Variants in XYLT1 observed in about 807,000 individuals in gnomAD.
XYLT1 encodes xylosyltransferase 1.
A neutral mutation model predicts 91.3 loss-of-function variants in XYLT1; 36 were observed. The observed-to-expected ratio is 0.39, with a 90% CI of 0.30 to 0.52. The LOEUF (loss-of-function observed/expected upper bound fraction) is 0.52. XYLT1 is among the 20% of genes least tolerant of loss of function. The probability of loss-of-function intolerance (pLI) is 0.68; values close to 1 mark genes in which losing one functional copy is unlikely to be tolerated. For missense variants in XYLT1, 1,242 were observed against 1,284.5 expected, an observed-to-expected ratio of 0.97 and a Z score of 0.51; for synonymous variants, 588 against 532.0, an observed-to-expected ratio of 1.11 and a Z score of -1.45.
At chr16:17,397,623 C>A (rs145413153) in intron 1 of XYLT1, among the ~76,000 whole-genome samples, 215 of 152,102 alleles carry the variant, frequency 1.4e-3, no homozygotes, top group African/African-American at 5.0e-3. Flanking sequence ...TGGTTCCCTG[C>A]CAACCCAGGC....
intron 1 of XYLT1, among the ~76,000 whole-genome samples, chr16:17,379,206 G>A (rs149911166): frequency 2.0e-5 from 3 of 152,122 alleles, no homozygotes; most frequent in Non-Finnish European, 2.9e-5. Flanking sequence ...ACCACACTCC[G>A]CTCCAAGGAG....
intron 2 of XYLT1, among the ~76,000 whole-genome samples, chr16:17,269,985 T>C (rs1404690416): frequency 1.3e-5 from 2 of 152,086 alleles, no homozygotes; most frequent in Non-Finnish European, 2.9e-5. Flanking sequence ...CTAATTTTTT[T>C]TGTATTTTTA....
intron 3 of XYLT1, among the ~76,000 whole-genome samples, chr16:17,202,416 A>G (rs1269491833): frequency 6.6e-5 from 10 of 152,208 alleles, no homozygotes; most frequent in Non-Finnish European, 1.2e-4. Context: ...CACAGCCTCT[A>G]TGGCTGGTGT....
At chr16:17,393,559 A>C (rs528677861) in intron 1 of XYLT1, among the ~76,000 whole-genome samples, 17 of 152,072 alleles carry the variant, frequency 1.1e-4, no homozygotes, top group Non-Finnish European at 2.2e-4. Context: ...ATGCTGTCAT[A>C]TCTCAATGTA....
intron 10 of XYLT1, among the ~76,000 whole-genome samples, chr16:17,123,717 T>C (rs1255501159): frequency 6.6e-6 from 1 of 152,158 alleles, no homozygotes; most frequent in South Asian, 2.1e-4. Flanking sequence ...CATAAGTCCA[T>C]TGTTTCTTTA....
chr16:17,351,087 C>G (rs1485691921), intron 2 of XYLT1, among the ~76,000 whole-genome samples: 1 of 152,134 alleles, frequency 6.6e-6, no homozygotes, highest in Non-Finnish European at 1.5e-5. Context: ...GAAACCATCT[C>G]CTGATGAGGT....
chr16:17,285,070 G>C (rs1057327911), intron 2 of XYLT1, among the ~76,000 whole-genome samples: 1 of 152,182 alleles, frequency 6.6e-6, no homozygotes, highest in Non-Finnish European at 1.5e-5. Context: ...AGAGGAAGCA[G>C]GGGCAGAAAC....
At chr16:17,440,429 C>G (rs1026458763) in intron 1 of XYLT1, among the ~76,000 whole-genome samples, 3 of 152,188 alleles carry the variant, frequency 2.0e-5, no homozygotes, top group Non-Finnish European at 4.4e-5. Context: ...TGTACACATA[C>G]ACACATAATT....
chr16:17,184,131 C>T lies in XYLT1; in HGVS notation c.1289+14081G>A, dbSNP rs547446679. ...CCAGGATGCACTTGGAGCATCCCAG[C>T]ATGGATACCGTCCATACTCTTGGCC... On this transcript the variant is annotated intron_variant, in intron 5 of 11. Transcript: ENST00000261381. Among the ~76,000 whole-genome samples, 11 of 150,392 alleles carry T rather than the reference C, an allele frequency of 7.3e-5. 1 individual carries two copies. The South Asian group carries it at 2.1e-3, about 29-fold the overall frequency.
At chr16:17,293,111 CAAG>C (rs2034255578) in intron 2 of XYLT1, among the ~76,000 whole-genome samples, 1 of 152,174 alleles carries the variant, frequency 6.6e-6, no homozygotes, top group Non-Finnish European at 1.5e-5. Flanking sequence ...CGGGCACTTC[CAAG>C]AAGACTTTTA....
intron 2 of XYLT1, among the ~76,000 whole-genome samples, chr16:17,294,619 T>C (rs547673494): frequency 1.3e-5 from 2 of 151,974 alleles, no homozygotes; most frequent in Non-Finnish European, 2.9e-5. Context: ...AAGGCTGACC[T>C]AGGAGACAAA....
At chr16:17,376,975 G>A (rs1428793161) in intron 1 of XYLT1, among the ~76,000 whole-genome samples, 1 of 151,976 alleles carries the variant, frequency 6.6e-6, no homozygotes, top group Admixed American at 6.6e-5. Context: ...TCAGAAGTTC[G>A]AGACCAGCCT....
chr16:17,468,091 A>G (rs1160951721), intron 1 of XYLT1, among the ~76,000 whole-genome samples: 1 of 152,154 alleles, frequency 6.6e-6, no homozygotes, highest in Non-Finnish European at 1.5e-5. Flanking sequence ...CTGCAACCCA[A>G]GCTCCAGCTA....
At chr16:17,153,332 T>C (rs1156637634) in intron 6 of XYLT1, among the ~76,000 whole-genome samples, 1 of 152,216 alleles carries the variant, frequency 6.6e-6, no homozygotes, top group Non-Finnish European at 1.5e-5. Flanking sequence ...GGCCCGTGAA[T>C]CTTGACAGTC....
Position 17,279,751 on chromosome 16 carries a change from C to G in XYLT1, c.403-20253G>C, listed in dbSNP as rs1206364179. On this transcript the variant is annotated intron_variant, in intron 2 of 11. Coordinates refer to ENST00000261381, the MANE Select transcript of XYLT1 (RefSeq NM_022166.4). ...GAAGACCACGAGAGTCAGGCTAGGC[C>G]TCCTCCTCTGCATATTAATTACAGC... Among the ~76,000 whole-genome samples the G allele has an allele frequency of 4.6e-5, 7 of 152,268 alleles. 1 individual carries two copies. The highest frequency in any genetic ancestry group is 4.6e-4 in the Admixed American group (7 of 15,292).
intron 9 of XYLT1, among the ~76,000 whole-genome samples, chr16:17,133,276 C>A (rs1471068322): frequency 1.3e-5 from 2 of 151,972 alleles, no homozygotes; most frequent in East Asian, 3.9e-4. Flanking sequence ...TTCTTCCCCC[C>A]AGCCCCGTCA....
intron 1 of XYLT1, chr16:17,446,195 G>C (rs1165769649): frequency 6.6e-6 from 1 of 152,192 alleles, no homozygotes; most frequent in African/African-American, 2.4e-5. Context: ...CTGCACAAAG[G>C]TGTCCAGCTG....
At chr16:17,197,084 T>G (rs1244837182) in intron 5 of XYLT1, among the ~76,000 whole-genome samples, 1 of 149,658 alleles carries the variant, frequency 6.7e-6, no homozygotes, top group African/African-American at 2.5e-5. Context: ...GTGGCTTCCC[T>G]CTTGCTTGGA....
At chr16:17,408,802 C>T (rs1334291880) in intron 1 of XYLT1, among the ~76,000 whole-genome samples, 3 of 152,198 alleles carry the variant, frequency 2.0e-5, no homozygotes, top group East Asian at 1.9e-4. Flanking sequence ...CCCAAGAGAT[C>T]GCACCATTAC....
Sources: allele counts gnomAD v4.1 joint callset (sites outside exome capture counted in the v4.1 genomes callset), GRCh38; gene constraint gnomAD v4.1.1; transcripts MANE v1.5; gene names NCBI Gene and HGNC (gene_info 2026-07-23, HGNC 2026-07-21).